ZNF18: variants seen among roughly 807,000 people sequenced by gnomAD.
ZNF18 encodes zinc finger protein 18, also known as heart development-specific gene 1 protein.
ZNF18 carries 42 observed loss-of-function variants against 58.1 expected under a neutral mutation model. That is an observed-to-expected ratio of 0.72 (90% CI 0.56 to 0.93). The LOEUF is 0.93. ZNF18 is among the 40% of genes least tolerant of loss of function. The pLI is 0.00. For synonymous variants in ZNF18, 231 were observed against 239.8 expected, an observed-to-expected ratio of 0.96 and a Z score of 0.34; for missense variants, 540 against 644.2, an observed-to-expected ratio of 0.84 and a Z score of 1.75.
intron 1 of ZNF18, among the ~76,000 whole-genome samples, chr17:11,994,396 C>G (rs1220795428): frequency 6.6e-6 from 1 of 152,016 alleles, no homozygotes; most frequent in South Asian, 2.1e-4. Flanking sequence ...GGGCGCCAAC[C>G]CCCCACACAG....
At chr17:12,014,763 T>G in the ZNF18 span, among the ~76,000 whole-genome samples, 1 of 152,090 alleles carries the variant, frequency 6.6e-6, no homozygotes, top group African/African-American at 2.4e-5. Flanking sequence ...CAAAAACCAC[T>G]GAATTGGCCG....
the ZNF18 span, among the ~76,000 whole-genome samples, chr17:12,004,218 G>A: frequency 8.2e-4 from 125 of 151,518 alleles, no homozygotes; most frequent in African/African-American, 2.8e-3. Flanking sequence ...GTGACAGAGC[G>A]AGACTCTGTG....
chr17:11,985,216 C>CA (rs1233166966), intron 4 of ZNF18, among the ~76,000 whole-genome samples: 2 of 152,262 alleles, frequency 1.3e-5, no homozygotes, highest in East Asian at 3.9e-4. Context: ...ACTGGAGACT[C>CA]AAAACTGGGA....
the ZNF18 span, among the ~76,000 whole-genome samples, chr17:12,006,079 AT>A: frequency 6.6e-6 from 1 of 152,188 alleles, no homozygotes; most frequent in African/African-American, 2.4e-5. Flanking sequence ...TGGAAGTATG[AT>A]TTTTTAACAA....
chr17:11,978,840 C>CTTTTTTTTT lies in ZNF18; in HGVS notation c.863-105_863-97dup, dbSNP rs56969015. On this transcript the variant is annotated intron_variant, in intron 6 of 6. Coordinates refer to ENST00000580306, the MANE Select transcript of ZNF18 (RefSeq NM_001303281.2). ...AGGGTCATCATAAAACATTCATTTT[C>CTTTTTTTTT]TTTTTTTTTTTTTTTTTTTTTTTTT... 135 of 120,554 alleles carry CTTTTTTTTT rather than the reference C, an allele frequency of 1.1e-3. 20 individuals are homozygous for CTTTTTTTTT. Among genetic ancestry groups the CTTTTTTTTT allele is most frequent in the African/African-American group, 1.9e-3 (37 of 19,452 alleles). 7.5% of individuals were successfully genotyped at this position (120,554 alleles called of 1,614,324 possible).
chr17:12,020,917 G>C, the ZNF18 span: 3 of 1,216,468 alleles, frequency 2.5e-6, no homozygotes, highest in Non-Finnish European at 3.1e-6. Context: ...CGGCGGCGGC[G>C]GCTCCGGGGG....
At chr17:11,981,143 C>G (rs1967315148) in intron 6 of ZNF18, among the ~76,000 whole-genome samples, 1 of 152,056 alleles carries the variant, frequency 6.6e-6, no homozygotes, top group Non-Finnish European at 1.5e-5. Context: ...ATTTTTCAAA[C>G]CAGGCCTTTC....
rs1196379467 is a variant in ZNF18, at chr17:11,978,189, A to G, written c.1418T>C (p.Phe473Ser). Reference protein sequence around the residue: ...PCKCDYCGKGFSDFSGLRHHE... With the variant: ...PCKCDYCGKGSSDFSGLRHHE... ...GTGGCGCAATCCTGAGAAGTCACTA[A>G]AGCCTTTCCCACAGTAATCACATTT... The change falls in exon 7 of 7, where the codon TTT (phenylalanine) becomes TCT (serine). Residue 473 changes from phenylalanine (F) to serine (S), a missense_variant. Physicochemically the swap from Phe to Ser is radical, Grantham distance 155. Coordinates refer to ENST00000580306, the MANE Select transcript of ZNF18 (RefSeq NM_001303281.2). 2 of 1,613,886 alleles carry G rather than the reference A, an allele frequency of 1.2e-6. No homozygotes were observed. The highest frequency in any genetic ancestry group is 1.7e-6 in the Non-Finnish European group (2 of 1,179,970).
the ZNF18 span, chr17:12,020,955 C>T: frequency 2.5e-6 from 3 of 1,216,846 alleles, no homozygotes; most frequent in Non-Finnish European, 3.1e-6. Context: ...CCCCCGGCCC[C>T]GTAGGGTCCC....
At chr17:12,002,810 T>C in the ZNF18 span, among the ~76,000 whole-genome samples, 53 of 152,274 alleles carry the variant, frequency 3.5e-4, no homozygotes, top group African/African-American at 1.2e-3. Flanking sequence ...AAAAATTCCC[T>C]GGAACTGAGG....
the ZNF18 span, among the ~76,000 whole-genome samples, chr17:12,002,953 C>T: frequency 6.6e-6 from 1 of 152,126 alleles, no homozygotes; most frequent in Admixed American, 6.5e-5. Context: ...CTCCCGACAC[C>T]CTCCCTCTGC....
At chr17:12,001,127 T>C (rs1432537234), upstream of ZNF18, among the ~76,000 whole-genome samples, 1 of 152,020 alleles carries the variant, frequency 6.6e-6, no homozygotes, top group Non-Finnish European at 1.5e-5. Context: ...ACTCACATAA[T>C]CTAGGCCACA....
At chr17:12,014,229 T>C in the ZNF18 span, among the ~76,000 whole-genome samples, 1 of 152,240 alleles carries the variant, frequency 6.6e-6, no homozygotes, top group African/African-American at 2.4e-5. Flanking sequence ...AGTCTAGTAG[T>C]TCCTCAAATG....
At chr17:12,010,508 C>T in the ZNF18 span, among the ~76,000 whole-genome samples, 4 of 152,042 alleles carry the variant, frequency 2.6e-5, no homozygotes, top group Admixed American at 1.3e-4. Flanking sequence ...CTCTGTCTCC[C>T]GGGTTCAAGA....
chr17:12,001,455 C>G (rs59969943), upstream of ZNF18, among the ~76,000 whole-genome samples: 1,618 of 152,160 alleles, frequency 0.011, 27 homozygotes, highest in African/African-American at 0.037. Context: ...TGGTGAAACC[C>G]CATCTCTACT....
the ZNF18 span, among the ~76,000 whole-genome samples, chr17:12,018,166 T>C: frequency 6.6e-6 from 1 of 152,242 alleles, no homozygotes; most frequent in South Asian, 2.1e-4. Context: ...CTTATAAATG[T>C]AAATTTGCTG....
the ZNF18 span, chr17:12,021,323 C>T: frequency 1.1e-5 from 2 of 175,792 alleles, no homozygotes; most frequent in African/African-American, 2.4e-5. Flanking sequence ...CGCCGCTTAC[C>T]TGGCGCCCGC....
chr17:11,996,198 A>G (rs7209107), intron 1 of ZNF18, among the ~76,000 whole-genome samples: 134,778 of 152,244 alleles, frequency 0.89, 61,892 homozygotes, highest in East Asian at 1. Context: ...AAACCACCTG[A>G]AAAGCAGCTT....
At chr17:11,992,993 G>T (rs1003129842) in intron 1 of ZNF18, 82 bp from the exon 2 acceptor site, 1 of 767,548 alleles carries the variant, frequency 1.3e-6, no homozygotes, top group East Asian at 2.7e-5. Flanking sequence ...CCCTACCCGA[G>T]AAGCCATGGG....
Sources: gnomAD v4.1 joint callset for allele counts (sites outside exome capture counted in the v4.1 genomes callset) on GRCh38, gnomAD v4.1.1 for gene constraint, MANE v1.5 for transcripts, NCBI Gene and HGNC (gene_info 2026-07-23, HGNC 2026-07-21) for gene names.